The following SLC14A2 variants were observed in gnomAD, a reference collection of about 807,000 sequenced individuals.
The protein encoded by SLC14A2 is solute carrier family 14 member 2.
SLC14A2 carries 91 observed loss-of-function variants against 104.6 expected under a neutral mutation model. The observed-to-expected ratio is 0.87, with a 90% CI of 0.73 to 1.04. SLC14A2 has a LOEUF of 1.04. Ranked by LOEUF, SLC14A2 falls within the 50% of genes least tolerant of loss-of-function variation. SLC14A2 has a pLI of 0.00. For synonymous variants in SLC14A2, 476 were observed against 466.4 expected, an observed-to-expected ratio of 1.02 and a Z score of -0.27; for missense variants, 1,189 against 1,156.0, an observed-to-expected ratio of 1.03 and a Z score of -0.41.
chr18:45,360,758 C>T (rs568709407), intron 1 of SLC14A2, among the ~76,000 whole-genome samples: 1 of 152,270 alleles, frequency 6.6e-6, no homozygotes, highest in South Asian at 2.1e-4. Flanking sequence ...TAGAAGCCAA[C>T]AATTTTAAAA....
chr18:45,265,135 A>G (rs2084578852), intron 1 of SLC14A2, among the ~76,000 whole-genome samples: 1 of 152,158 alleles, frequency 6.6e-6, no homozygotes, highest in Non-Finnish European at 1.5e-5. Context: ...GGGGTATATA[A>G]AACAACATAT....
intron 11 of SLC14A2, among the ~76,000 whole-genome samples, chr18:45,664,638 G>A (rs554322521): frequency 6.6e-6 from 1 of 152,288 alleles, no homozygotes; most frequent in East Asian, 1.9e-4. Context: ...TCCCAAGTTA[G>A]TGCAACATCA....
chr18:45,185,581 G>A, the SLC14A2 span, among the ~76,000 whole-genome samples: 20 of 152,094 alleles, frequency 1.3e-4, no homozygotes, highest in Admixed American at 3.3e-4. Flanking sequence ...CTAAAGTTAG[G>A]AAGAAGACAA....
chr18:45,302,291 A>G (rs976983287), intron 1 of SLC14A2, among the ~76,000 whole-genome samples: 2 of 152,228 alleles, frequency 1.3e-5, no homozygotes, highest in Admixed American at 1.3e-4. Flanking sequence ...GTGGGTTGGA[A>G]TAAGTGGAAT....
chr18:45,631,762 C>T (rs372660854), intron 4 of SLC14A2, among the ~76,000 whole-genome samples: 1 of 152,190 alleles, frequency 6.6e-6, no homozygotes, highest in Non-Finnish European at 1.5e-5. Flanking sequence ...GCTGGGACTA[C>T]AGGCATGCAC....
In SLC14A2 at chr18:45,235,899, GTATGTATATATACATATATGTGTGTATA is replaced by G. The variant is rs1458461207; in HGVS notation, c.-125+22770_-125+22797del. 2.6e-3 allele frequency among the ~76,000 whole-genome samples: 161 copies of G among 62,852 alleles called. 4 individuals carry two copies. The highest frequency in any genetic ancestry group is 3.6e-3 in the South Asian group (8 of 2,210). The allele number at this position is 62,852 out of a possible 152,430, so 41.2% of individuals were successfully genotyped here. On this transcript the variant is annotated intron_variant, in intron 1 of 20. Transcript: ENST00000586448. ...TGTATATATACATATATGTGTGTAT[GTATGTATATATACATATATGTGTGTATA>G]TATGTATATATACATATATGTGTGT... is the stretch of plus-strand genomic sequence containing the variant.
chr18:45,605,268 CA>C (rs1406031574), intron 2 of SLC14A2, among the ~76,000 whole-genome samples: 4 of 152,140 alleles, frequency 2.6e-5, no homozygotes, highest in African/African-American at 9.7e-5. Flanking sequence ...TAAAAATATA[CA>C]TAAAAGTTCT....
chr18:45,468,988 T>C (rs2087195079), intron 1 of SLC14A2, among the ~76,000 whole-genome samples: 1 of 152,132 alleles, frequency 6.6e-6, no homozygotes, highest in Admixed American at 6.6e-5. Context: ...AGCTGAGGTG[T>C]TGATAATAAA....
At chr18:45,499,990 A>G (rs1169168409) in intron 2 of SLC14A2, among the ~76,000 whole-genome samples, 1 of 152,214 alleles carries the variant, frequency 6.6e-6, no homozygotes. Context: ...ACTATGCCTG[A>G]CGATAGAGCA....
chr18:45,481,481 A>C (rs1192590187), intron 1 of SLC14A2, among the ~76,000 whole-genome samples: 1 of 152,150 alleles, frequency 6.6e-6, no homozygotes, highest in Non-Finnish European at 1.5e-5. Context: ...CTTAGCTTAA[A>C]CCAACCGCAG....
chr18:45,591,635 G>A (rs572870839), intron 2 of SLC14A2, among the ~76,000 whole-genome samples: 79 of 152,232 alleles, frequency 5.2e-4, no homozygotes, highest in Middle Eastern at 6.8e-3. Flanking sequence ...ACGCCCAGCC[G>A]AGATAACAAT....
At chr18:45,534,905 A>C (rs2043756946) in intron 2 of SLC14A2, among the ~76,000 whole-genome samples, 1 of 152,186 alleles carries the variant, frequency 6.6e-6, no homozygotes, top group Non-Finnish European at 1.5e-5. Flanking sequence ...ACTGATGGGA[A>C]GAAAAATACA....
chr18:45,300,258 C>T (rs2084955320), intron 1 of SLC14A2, among the ~76,000 whole-genome samples: 1 of 152,152 alleles, frequency 6.6e-6, no homozygotes, highest in South Asian at 2.1e-4. Context: ...TCATCTCTTC[C>T]CATTTTTCAA....
chr18:45,544,096 G>A (rs893036377), intron 2 of SLC14A2, among the ~76,000 whole-genome samples: 6 of 152,286 alleles, frequency 3.9e-5, no homozygotes, highest in East Asian at 3.9e-4. Context: ...TCTGAAAGTC[G>A]CCCAATGCAC....
intron 1 of SLC14A2, among the ~76,000 whole-genome samples, chr18:45,292,422 T>C (rs2084879057): frequency 6.6e-6 from 1 of 152,204 alleles, no homozygotes; most frequent in Admixed American, 6.5e-5. Flanking sequence ...AGTGACGAAG[T>C]CATTAGCAGT....
intron 2 of SLC14A2, among the ~76,000 whole-genome samples, chr18:45,540,749 TAATAAC>T (rs1165717873): frequency 6.6e-6 from 1 of 151,784 alleles, no homozygotes; most frequent in African/African-American, 2.4e-5. Context: ...CATCTCAAAT[TAATAAC>T]AATAATAATA....
chr18:45,394,821 C>T (rs1398797896), intron 1 of SLC14A2, among the ~76,000 whole-genome samples: 1 of 152,102 alleles, frequency 6.6e-6, no homozygotes, highest in Non-Finnish European at 1.5e-5. Context: ...CTTTTTCACT[C>T]TGTTGATTGT....
At chr18:45,525,929 T>C (rs1310642459) in intron 2 of SLC14A2, among the ~76,000 whole-genome samples, 2 of 152,214 alleles carry the variant, frequency 1.3e-5, no homozygotes, top group South Asian at 2.1e-4. Context: ...TCAGACTCTT[T>C]CATAGTGTAA....
At chr18:45,510,120 A>G (rs756149043) in intron 2 of SLC14A2, among the ~76,000 whole-genome samples, 1 of 152,116 alleles carries the variant, frequency 6.6e-6, no homozygotes, top group African/African-American at 2.4e-5. Flanking sequence ...AACCTCTTTG[A>G]GCCTCCGAGT....
Sources: gnomAD v4.1 joint callset for allele counts (sites outside exome capture counted in the v4.1 genomes callset) on GRCh38, gnomAD v4.1.1 for gene constraint, MANE v1.5 for transcripts, NCBI Gene and HGNC (gene_info 2026-07-23, HGNC 2026-07-21) for gene names.